TTC39C: variants seen among roughly 807,000 people sequenced by gnomAD.
TTC39C encodes tetratricopeptide repeat protein 39C.
Under a neutral mutation model 76.3 loss-of-function variants are expected in TTC39C, and 33 were observed. The ratio of observed to expected loss-of-function variants is 0.43; its 90% confidence interval spans 0.33 to 0.58. TTC39C has a LOEUF of 0.58. Among genes scored for constraint, TTC39C ranks in the 20% least tolerant of loss-of-function variants. The pLI, the probability that TTC39C is intolerant of heterozygous loss-of-function variation, is 0.04. For synonymous variants in TTC39C, 254 were observed against 260.6 expected, an observed-to-expected ratio of 0.97 and a Z score of 0.24; for missense variants, 595 against 701.4, an observed-to-expected ratio of 0.85 and a Z score of 1.71.
chr18:24,089,193 C>G (rs2084486026), intron 6 of TTC39C, among the ~76,000 whole-genome samples: 1 of 152,150 alleles, frequency 6.6e-6, no homozygotes. Context: ...TGTGCTGTCC[C>G]CCATCTCTAG....
intron 8 of TTC39C, among the ~76,000 whole-genome samples, chr18:24,121,206 C>G (rs1190342055): frequency 1.3e-5 from 2 of 152,168 alleles, no homozygotes; most frequent in Non-Finnish European, 2.9e-5. Flanking sequence ...GTCAGTCATC[C>G]TAAGCTCTGT....
intron 1 of TTC39C, among the ~76,000 whole-genome samples, chr18:24,027,740 T>C (rs562335648): frequency 4.9e-4 from 74 of 152,118 alleles, no homozygotes; most frequent in African/African-American, 1.5e-3. Flanking sequence ...TTTATTTTTT[T>C]ATTTTTTAGT....
intron 8 of TTC39C, among the ~76,000 whole-genome samples, chr18:24,119,684 A>G (rs2084940537): frequency 6.6e-6 from 1 of 152,196 alleles, no homozygotes; most frequent in Non-Finnish European, 1.5e-5. Context: ...TATACTGGAT[A>G]ATATGCTGTG....
chr18:24,109,995 A>C (rs565927271), intron 6 of TTC39C, among the ~76,000 whole-genome samples: 2 of 152,308 alleles, frequency 1.3e-5, no homozygotes, highest in East Asian at 3.9e-4. Flanking sequence ...TGCACAACAG[A>C]GTAAGACTCT....
intron 1 of TTC39C, among the ~76,000 whole-genome samples, chr18:24,016,141 G>A (rs1027788353): frequency 4.6e-5 from 7 of 152,158 alleles, no homozygotes; most frequent in Non-Finnish European, 8.8e-5. Context: ...CTTCTTAATG[G>A]CGAAGCAAGT....
In TTC39C at chr18:24,133,254, A is replaced by AATTT. The variant is rs2085157165; in HGVS notation, c.*681_*682insTTTA. ...CAGAATTCCATGTTTTACTTATTAA[A>AATTT]AGAACAAAATCTTCAGCTGAAGTTA... is the stretch of plus-strand genomic sequence containing the variant. On this transcript the variant is annotated 3_prime_UTR_variant, in exon 14 of 14. Transcript: ENST00000317571. The AATTT allele has an allele frequency of 6.6e-6, 1 of 152,224 alleles. No homozygotes were observed. The highest frequency in any genetic ancestry group is 2.1e-4 in the South Asian group (1 of 4,834). The allele number at this position is 152,224 out of a possible 1,614,324, so 9.4% of individuals were successfully genotyped here. A position where few individuals can be genotyped will look rare whatever the true frequency, so the allele number is the denominator to read the frequency against.
At chr18:24,052,496 C>T (rs1429760518) in intron 1 of TTC39C, among the ~76,000 whole-genome samples, 3 of 151,950 alleles carry the variant, frequency 2.0e-5, no homozygotes, top group Non-Finnish European at 4.4e-5. Flanking sequence ...GAATATTATC[C>T]AGTCATGACT....
chr18:24,092,852 AG>A (rs1283374002), intron 6 of TTC39C, among the ~76,000 whole-genome samples: 1 of 152,164 alleles, frequency 6.6e-6, no homozygotes, highest in East Asian at 1.9e-4. Context: ...TGGGAAGCTG[AG>A]GTGAGTGGAC....
intron 1 of TTC39C, among the ~76,000 whole-genome samples, chr18:24,036,266 A>T (rs2083731150): frequency 6.6e-6 from 1 of 152,210 alleles, no homozygotes. Flanking sequence ...TGCATAGAAG[A>T]CGTTGGTATT....
At chr18:24,085,425 T>C (rs1290155217) in intron 6 of TTC39C, among the ~76,000 whole-genome samples, 1 of 152,376 alleles carries the variant, frequency 6.6e-6, no homozygotes, top group East Asian at 1.9e-4. Flanking sequence ...CAAAATTGCT[T>C]AACTTTTGGT....
intron 4 of TTC39C, among the ~76,000 whole-genome samples, chr18:24,079,578 T>G (rs2084350908): frequency 1.3e-5 from 2 of 152,198 alleles, no homozygotes; most frequent in Non-Finnish European, 2.9e-5. Context: ...AACCCCAGTT[T>G]CATAAACCAA....
intron 1 of TTC39C, among the ~76,000 whole-genome samples, chr18:24,018,293 T>C (rs2145647427): frequency 6.6e-6 from 1 of 152,330 alleles, no homozygotes; most frequent in East Asian, 1.9e-4. Context: ...TCCATGTGTT[T>C]GTAAGTTCGT....
intron 4 of TTC39C, among the ~76,000 whole-genome samples, chr18:24,076,154 T>C (rs2084304976): frequency 6.6e-6 from 1 of 152,058 alleles, no homozygotes; most frequent in South Asian, 2.1e-4. Flanking sequence ...TTTTTTTGTA[T>C]TTTTTAGTAG....
chr18:24,111,915 A>G (rs2084817981), intron 6 of TTC39C, among the ~76,000 whole-genome samples: 1 of 103,412 alleles, frequency 9.7e-6, no homozygotes, highest in African/African-American at 5.2e-5. Flanking sequence ...AAATATATAT[A>G]TATATATATT....
intron 1 of TTC39C, among the ~76,000 whole-genome samples, chr18:24,032,807 G>A (rs2083686701): frequency 1.3e-5 from 2 of 152,206 alleles, no homozygotes; most frequent in Non-Finnish European, 2.9e-5. Flanking sequence ...GGTTGTGGCT[G>A]TACAAATCCC....
rs1204493426 is a variant in TTC39C, at chr18:24,129,029, AC to A, written c.1518+48del. 4.1e-6 allele frequency: 6 copies of A among 1,466,294 alleles called. No homozygotes were observed. In the Admixed American group the frequency reaches 7.2e-5, roughly 18 times the overall value. The allele number at this position is 1,466,294 out of a possible 1,614,324, so 90.8% of individuals were successfully genotyped here. ...GGGCTAAAGAAAATAAGTCACGAAC[AC>A]CTACGTATATGCTTGTGAATAAGAA... On this transcript the variant is annotated intron_variant, in intron 11 of 13. Transcript: ENST00000317571.
At chr18:24,073,540 T>G (rs2084266778) in intron 4 of TTC39C, among the ~76,000 whole-genome samples, 1 of 152,136 alleles carries the variant, frequency 6.6e-6, no homozygotes, top group Non-Finnish European at 1.5e-5. Context: ...TTCTTTTTTT[T>G]TTTAAGAGGC....
At position 24,131,931 on chromosome 18, in the gene TTC39C, T is replaced by G; in HGVS notation, c.1662+11T>G. The G allele has an allele frequency of 6.2e-7, 1 of 1,612,186 alleles. No individual in the cohort carries two copies. Among genetic ancestry groups the G allele is most frequent in the Non-Finnish European group, 8.5e-7 (1 of 1,178,926 alleles). Reference sequence around the variant, plus strand: ...CTTCTTCAAGCAAAGGTAAATATCCTGAATCTACCTTTCTCCAGTGGCCCT... The same window carrying G: ...CTTCTTCAAGCAAAGGTAAATATCCGGAATCTACCTTTCTCCAGTGGCCCT... On this transcript the variant is annotated intron_variant, in intron 13 of 13. Transcript: ENST00000317571.
chr18:24,089,689 A>G (rs1376924907), intron 6 of TTC39C, among the ~76,000 whole-genome samples: 1 of 152,194 alleles, frequency 6.6e-6, no homozygotes, highest in East Asian at 1.9e-4. Flanking sequence ...TAAGCTTATT[A>G]TGTGTGCCTA....
Sources: gnomAD v4.1 joint callset for allele counts (sites outside exome capture counted in the v4.1 genomes callset) on GRCh38, gnomAD v4.1.1 for gene constraint, MANE v1.5 for transcripts, NCBI Gene and HGNC (gene_info 2026-07-23, HGNC 2026-07-21) for gene names.